Variants in CEP76 observed in about 807,000 individuals in gnomAD.
The protein encoded by CEP76 is centrosomal protein 76, also known as centrosomal protein of 76 kDa.
CEP76 carries 55 observed loss-of-function variants against 83.3 expected under a neutral mutation model. The ratio of observed to expected loss-of-function variants is 0.66; its 90% CI spans 0.53 to 0.83. The LOEUF (loss-of-function observed/expected upper bound fraction) is 0.83, where lower values mean the gene tolerates loss of function less well. Ranked by LOEUF, CEP76 falls within the 40% of genes least tolerant of loss-of-function variation. CEP76 has a pLI of 0.00. For synonymous variants in CEP76, 270 were observed against 274.5 expected, an observed-to-expected ratio of 0.98 and a Z score of 0.16; for missense variants, 694 against 799.5, an observed-to-expected ratio of 0.87 and a Z score of 1.59.
chr18:12,683,903 GAAAT>G (rs1419289634), intron 8 of CEP76, among the ~76,000 whole-genome samples: 4 of 151,290 alleles, frequency 2.6e-5, no homozygotes, highest in Non-Finnish European at 5.9e-5. Flanking sequence ...AATATAAAAA[GAAAT>G]AATAAACTAG....
chr18:12,679,341 G>C (rs1271911356), intron 9 of CEP76: 1 of 152,270 alleles, frequency 6.6e-6, no homozygotes, highest in African/African-American at 2.4e-5. Flanking sequence ...CAGTGGGGAG[G>C]AGCTTGGCCC....
In CEP76 at chr18:12,691,480, A is replaced by G; in HGVS notation, c.812T>C (p.Leu271Ser). 1 of 1,591,350 alleles carries G rather than the reference A, an allele frequency of 6.3e-7. No individual in the cohort carries two copies. Among genetic ancestry groups the G allele is most frequent in the Non-Finnish European group, 8.5e-7 (1 of 1,171,612 alleles). The change falls in exon 7 of 12, where the codon TTG (leucine) becomes TCG (serine). Residue 271 changes from leucine (L) to serine (S), a missense_variant. By Grantham distance (145) the Leu-to-Ser change is moderately radical. Coordinates refer to ENST00000262127, the MANE Select transcript of CEP76 (RefSeq NM_024899.4). ...SQEVVNTQLALERQKTAEKER... is the reference protein window; with the variant it reads ...SQEVVNTQLASERQKTAEKER... ...TTTCTCTGCAGTTTTCTGACGTTCCAAAGCAAGCTTGAAATTGAAAAAAAT... is the reference window on the plus strand; with the variant it reads ...TTTCTCTGCAGTTTTCTGACGTTCCGAAGCAAGCTTGAAATTGAAAAAAAT...
chr18:12,684,030 T>C (rs1568018890), intron 8 of CEP76, among the ~76,000 whole-genome samples: 1 of 150,820 alleles, frequency 6.6e-6, no homozygotes, highest in Non-Finnish European at 1.5e-5. Flanking sequence ...CATATATATA[T>C]GTATTTTTTT....
intron 11 of CEP76, among the ~76,000 whole-genome samples, chr18:12,674,260 G>A (rs1048730194): frequency 2.6e-5 from 4 of 151,830 alleles, no homozygotes; most frequent in African/African-American, 9.7e-5. Flanking sequence ...AACATAGGAA[G>A]ACCCCCATCT....
intron 4 of CEP76, among the ~76,000 whole-genome samples, 156 bp from the exon 5 acceptor site, chr18:12,697,564 C>T (rs1007103065): frequency 6.6e-6 from 1 of 152,198 alleles, no homozygotes; most frequent in East Asian, 1.9e-4. Flanking sequence ...ACTGGAAATA[C>T]AAGTACAGTC....
At position 12,695,286 on chromosome 18, in the gene CEP76, G is replaced by T. The variant is rs1568029983; in HGVS notation, c.772C>A (p.Gln258Lys). The change falls in exon 6 of 12, where the codon CAA becomes AAA. Residue 258 changes from glutamine to lysine, a missense_variant. Transcript: ENST00000262127. ...IKLEMYPPLN[Q>K]TLSQEVVNTQ... ...TTCACTACTTCTTGAGATAACGTTT[G>T]ATTGAGTGGTGGATACATTTCAAGT... 1 of 1,565,182 alleles carries T rather than the reference G, an allele frequency of 6.4e-7. No individual in the cohort carries two copies. The highest frequency in any genetic ancestry group is 8.8e-7 in the Non-Finnish European group (1 of 1,142,586).
intron 10 of CEP76, among the ~76,000 whole-genome samples, chr18:12,676,420 A>G (rs1410760504): frequency 1.3e-5 from 2 of 150,996 alleles, no homozygotes; most frequent in African/African-American, 2.4e-5. Context: ...GACTACAGGC[A>G]TGCACCACCA....
At chr18:12,702,209 C>T (rs1461323217) in intron 1 of CEP76, among the ~76,000 whole-genome samples, 2 of 152,214 alleles carry the variant, frequency 1.3e-5, no homozygotes, top group Non-Finnish European at 2.9e-5. Context: ...AGAAGTCGCT[C>T]GCTAAGCGCT....
chr18:12,689,993 T>A (rs372195095), intron 7 of CEP76, among the ~76,000 whole-genome samples: 1 of 152,238 alleles, frequency 6.6e-6, no homozygotes, highest in African/African-American at 2.4e-5. Context: ...TTCGCCATGT[T>A]GGCCAGGCTG....
intron 5 of CEP76, 109 bp from the exon 6 acceptor site, chr18:12,695,460 G>T: frequency 2.1e-6 from 1 of 473,220 alleles, no homozygotes. Context: ...TCACTTACAT[G>T]GAATAAAGAT....
At chr18:12,668,733 C>CTT (rs1568005215), downstream of CEP76, among the ~76,000 whole-genome samples, 1 of 124,640 alleles carries the variant, frequency 8.0e-6, no homozygotes, top group Non-Finnish European at 1.7e-5. Flanking sequence ...ACACTTTATT[C>CTT]CTTTTTTTTT....
At chr18:12,694,254 ATTGT>A (rs2039870486) in intron 6 of CEP76, among the ~76,000 whole-genome samples, 1 of 152,212 alleles carries the variant, frequency 6.6e-6, no homozygotes, top group South Asian at 2.1e-4. Context: ...AGGGCAGGAC[ATTGT>A]TTGCCTGAGG....
downstream of CEP76, chr18:12,670,988 T>C (rs2038928049): frequency 6.6e-6 from 1 of 152,170 alleles, no homozygotes; most frequent in South Asian, 2.1e-4. Context: ...TCTACAGTCA[T>C]GTCAGTCTCA....
downstream of CEP76, among the ~76,000 whole-genome samples, chr18:12,668,284 G>A (rs2038846937): frequency 1.3e-5 from 2 of 150,322 alleles, no homozygotes; most frequent in African/African-American, 2.5e-5. Context: ...TCCTCCCACC[G>A]CCACTGGCCA....
Position 12,686,248 on chromosome 18 carries a change from T to C in CEP76, c.1122+14A>G, listed in dbSNP as rs759094177. The C allele has an allele frequency of 6.9e-6, 11 of 1,591,884 alleles. No individual in the cohort carries two copies. Among genetic ancestry groups the C allele is most frequent in the South Asian group, 3.4e-5 (3 of 89,004 alleles). ...GATATACTGCTACTTAATTCTATTA[T>C]GTGTGTATAATACCTTGTTTCTACA... is the stretch of plus-strand genomic sequence containing the variant. On this transcript the variant is annotated intron_variant, in intron 8 of 11. Transcript: ENST00000262127.
chr18:12,674,799 T>C, intron 10 of CEP76, 46 bp from the exon 11 acceptor site: 1 of 1,240,460 alleles, frequency 8.1e-7, no homozygotes, highest in Non-Finnish European at 1.1e-6. Flanking sequence ...ACATTAATAT[T>C]TTTAAAACCA....
intron 7 of CEP76, among the ~76,000 whole-genome samples, chr18:12,690,478 C>T (rs915885501): frequency 1.3e-5 from 2 of 149,924 alleles, no homozygotes; most frequent in East Asian, 3.9e-4. Flanking sequence ...TTTTTTGAGA[C>T]GGAGTCTTGC....
intron 5 of CEP76, 30 bp from the exon 6 acceptor site, chr18:12,695,381 G>A (rs373212525): frequency 1.8e-6 from 2 of 1,088,316 alleles, no homozygotes; most frequent in Non-Finnish European, 2.7e-6. Context: ...GAACTTCAGA[G>A]ATTTCAATAC....
chr18:12,683,186 C>CAAAAAAAAAAAAAAAAAAAAAAAAAAAA lies in CEP76; in HGVS notation c.1123-2359_1123-2358insTTTTTTTTTTTTTTTTTTTTTTTTTTTT, dbSNP rs765652085. 1.7e-4 allele frequency among the ~76,000 whole-genome samples: 11 copies of CAAAAAAAAAAAAAAAAAAAAAAAAAAAA among 63,678 alleles called. 2 individuals carry two copies. Among genetic ancestry groups the CAAAAAAAAAAAAAAAAAAAAAAAAAAAA allele is most frequent in the Admixed American group, 5.5e-4 (3 of 5,502 alleles). 41.8% of individuals were successfully genotyped at this position (63,678 alleles called of 152,430 possible). ...GAAACCCCATCTCTACTAAAAATAC[C>CAAAAAAAAAAAAAAAAAAAAAAAAAAAA]AAAAAAAAAAAAAAAAAAGCCAGGC... On this transcript the variant is annotated intron_variant, in intron 8 of 11. Coordinates refer to ENST00000262127, the MANE Select transcript of CEP76 (RefSeq NM_024899.4).
Sources: allele counts gnomAD v4.1 joint callset (sites outside exome capture counted in the v4.1 genomes callset), GRCh38; gene constraint gnomAD v4.1.1; transcripts MANE v1.5; gene names NCBI Gene and HGNC (gene_info 2026-07-23, HGNC 2026-07-21).